Variants in GALNT1 observed in about 807,000 individuals in gnomAD.
The protein encoded by GALNT1 is GalNAc transferase 1.
Under a neutral mutation model 65.7 loss-of-function variants are expected in GALNT1, and 17 were observed. The observed-to-expected ratio is 0.26, with a 90% CI of 0.18 to 0.39. The LOEUF (loss-of-function observed/expected upper bound fraction) is 0.39. Among genes scored for constraint, GALNT1 ranks in the 10% least tolerant of loss-of-function variants. GALNT1 has a pLI of 1.00. For missense variants in GALNT1, 460 were observed against 672.8 expected (o/e 0.68, Z 3.50); for synonymous variants, 210 against 219.7 (o/e 0.96, Z 0.39).
intron 1 of GALNT1, among the ~76,000 whole-genome samples, chr18:35,588,830 A>G (rs1392652269): frequency 1.3e-5 from 2 of 152,100 alleles, no homozygotes; most frequent in African/African-American, 4.8e-5. Flanking sequence ...GCTTGTAATT[A>G]TTGAAGCATG....
chr18:35,671,213 A>G (rs1312753194), intron 3 of GALNT1, among the ~76,000 whole-genome samples: 1 of 152,010 alleles, frequency 6.6e-6, no homozygotes, highest in African/African-American at 2.4e-5. Flanking sequence ...CACTCTGTAT[A>G]TACACACATA....
At chr18:35,599,704 A>G (rs1188173052) in intron 1 of GALNT1, among the ~76,000 whole-genome samples, 1 of 152,230 alleles carries the variant, frequency 6.6e-6, no homozygotes, top group Non-Finnish European at 1.5e-5. Flanking sequence ...ATTTCTGTAT[A>G]TGATGAGAAA....
chr18:35,711,219 T>C lies in GALNT1; in HGVS notation c.*1449T>C, dbSNP rs185567664. ...TCATTAAGACATTTTTCCTGATATG[T>C]AGAGCAGTCTGTTGGCAAAAATGCA... On this transcript the variant is annotated 3_prime_UTR_variant, in exon 12 of 12. Coordinates refer to ENST00000269195, the MANE Select transcript of GALNT1 (RefSeq NM_020474.4). 6.6e-6 allele frequency: 1 copy of C among 152,414 alleles called. No homozygotes were observed. The highest frequency in any genetic ancestry group is 1.5e-5 in the Non-Finnish European group (1 of 68,020). 9.4% of individuals were successfully genotyped at this position (152,414 alleles called of 1,614,324 possible). A position where few individuals can be genotyped will look rare whatever the true frequency, so the allele number is the denominator to read the frequency against.
chr18:35,690,165 CATTAA>C (rs1244952240), intron 7 of GALNT1, among the ~76,000 whole-genome samples: 2 of 152,172 alleles, frequency 1.3e-5, no homozygotes, highest in Non-Finnish European at 2.9e-5. Context: ...AGAAGGATTT[CATTAA>C]ATTAAGGATG....
At position 35,710,780 on chromosome 18, in the gene GALNT1, T is replaced by C. The variant is rs1334166791; in HGVS notation, c.*1010T>C. 3 of 152,662 alleles carry C rather than the reference T, an allele frequency of 2.0e-5. No homozygotes were observed. The highest frequency in any genetic ancestry group is 4.4e-5 in the Non-Finnish European group (3 of 68,034). The allele number at this position is 152,662 out of a possible 1,614,324, so 9.5% of individuals were successfully genotyped here. A position where few individuals can be genotyped will look rare whatever the true frequency, so the allele number is the denominator to read the frequency against. On this transcript the variant is annotated 3_prime_UTR_variant, in exon 12 of 12. Transcript: ENST00000269195. ...AGATTTGTTTTCACAGCAATAAATC[T>C]TCAGTTCTTTGTTTATGATTCCACT...
chr18:35,645,388 C>T (rs1035233589), intron 1 of GALNT1, among the ~76,000 whole-genome samples: 2 of 152,012 alleles, frequency 1.3e-5, no homozygotes, highest in African/African-American at 4.8e-5. Context: ...CGCCCGCCAC[C>T]ATGCCCGGCT....
At chr18:35,613,064 C>G (rs1313573530) in intron 1 of GALNT1, among the ~76,000 whole-genome samples, 1 of 152,180 alleles carries the variant, frequency 6.6e-6, no homozygotes, top group African/African-American at 2.4e-5. Context: ...TCCTCCCTAC[C>G]TGACTACTCA....
chr18:35,690,417 G>A (rs1329541313), intron 7 of GALNT1, among the ~76,000 whole-genome samples: 1 of 152,006 alleles, frequency 6.6e-6, no homozygotes, highest in African/African-American at 2.4e-5. Flanking sequence ...TTAACCATGA[G>A]CCACATTAAT....
In GALNT1 at chr18:35,584,211, A is replaced by G. The variant is rs541934178; in HGVS notation, c.-104+2349A>G. ...TCCATACTCATTCTCATGAAAGGTCACAATCAGGTTGACGCTGTTTCTGCT... is the reference window on the plus strand; with the variant it reads ...TCCATACTCATTCTCATGAAAGGTCGCAATCAGGTTGACGCTGTTTCTGCT... On this transcript the variant is annotated intron_variant, in intron 1 of 11. Transcript: ENST00000269195. Among the ~76,000 whole-genome samples the G allele has an allele frequency of 1.1e-3, 166 of 152,334 alleles. 2 individuals are homozygous for G. Among genetic ancestry groups the G allele is most frequent in the African/African-American group, 3.8e-3 (156 of 41,572 alleles).
chr18:35,701,147 C>T (rs1271708852), intron 9 of GALNT1, among the ~76,000 whole-genome samples: 1 of 151,930 alleles, frequency 6.6e-6, no homozygotes, highest in Non-Finnish European at 1.5e-5. Context: ...TTATAGCTTA[C>T]TGCAGCCTTG....
chr18:35,690,627 A>G (rs765667087), intron 7 of GALNT1, among the ~76,000 whole-genome samples: 7 of 151,978 alleles, frequency 4.6e-5, no homozygotes, highest in Non-Finnish European at 8.8e-5. Flanking sequence ...TGTTTTCTTT[A>G]TTTTAATCTT....
intron 1 of GALNT1, among the ~76,000 whole-genome samples, chr18:35,592,671 G>A (rs1030071487): frequency 2.0e-5 from 3 of 152,254 alleles, no homozygotes; most frequent in Non-Finnish European, 4.4e-5. Flanking sequence ...ATGGATTTGG[G>A]TGAGAGGGTG....
At chr18:35,689,928 G>A (rs552786979) in intron 7 of GALNT1, among the ~76,000 whole-genome samples, 3 of 152,224 alleles carry the variant, frequency 2.0e-5, no homozygotes, top group African/African-American at 7.2e-5. Flanking sequence ...CTGAACCAGC[G>A]AGCTCACTTT....
At chr18:35,682,820 A>G (rs1224329655) in intron 4 of GALNT1, among the ~76,000 whole-genome samples, 2 of 148,614 alleles carry the variant, frequency 1.3e-5, no homozygotes, top group East Asian at 4.0e-4. Flanking sequence ...CTTACACCTA[A>G]TTGTCAGTTT....
intron 1 of GALNT1, 28 bp downstream of exon 1, chr18:35,581,890 TC>T (rs2046324759): frequency 6.7e-6 from 1 of 149,276 alleles, no homozygotes; most frequent in South Asian, 1.9e-4. Flanking sequence ...GGCTGGGCAG[TC>T]CCGGAGCCGC....
At chr18:35,669,376 T>A (rs1225731363) in intron 3 of GALNT1, among the ~76,000 whole-genome samples, 1 of 152,334 alleles carries the variant, frequency 6.6e-6, no homozygotes, top group African/African-American at 2.4e-5. Context: ...GATCTTGATA[T>A]GAAAATCTGA....
In GALNT1 at chr18:35,611,355, T is replaced by A. The variant is rs74426178; in HGVS notation, c.-104+29493T>A. 3.8e-3 allele frequency among the ~76,000 whole-genome samples: 573 copies of A among 152,324 alleles called. 3 individuals carry two copies. Among genetic ancestry groups the A allele is most frequent in the African/African-American group, 0.013 (540 of 41,582 alleles). ...TACTGTGTGAGAGAAAGTGAGGCAGTTGAACATACTGCAGAGACTTTCCAC... is the reference window on the plus strand; with the variant it reads ...TACTGTGTGAGAGAAAGTGAGGCAGATGAACATACTGCAGAGACTTTCCAC... On this transcript the variant is annotated intron_variant, in intron 1 of 11. Transcript: ENST00000269195.
At chr18:35,667,880 T>C (rs2047572000) in intron 3 of GALNT1, among the ~76,000 whole-genome samples, 1 of 152,236 alleles carries the variant, frequency 6.6e-6, no homozygotes, top group South Asian at 2.1e-4. Context: ...GTGTGAGATC[T>C]GGCCCATAAT....
intron 3 of GALNT1, among the ~76,000 whole-genome samples, chr18:35,669,085 C>A (rs1027721104): frequency 6.6e-6 from 1 of 152,018 alleles, no homozygotes; most frequent in East Asian, 1.9e-4. Context: ...ACTAAAACTA[C>A]AAAAAATTAG....
Sources: gnomAD v4.1 joint callset for allele counts (sites outside exome capture counted in the v4.1 genomes callset) on GRCh38, gnomAD v4.1.1 for gene constraint, MANE v1.5 for transcripts, NCBI Gene and HGNC (gene_info 2026-07-23, HGNC 2026-07-21) for gene names.